Variants in L3MBTL2 observed in about 807,000 individuals in gnomAD.
The protein encoded by L3MBTL2 is lethal(3)malignant brain tumor-like protein 2.
L3MBTL2 carries 49 observed loss-of-function variants against 86.4 expected under a neutral mutation model. The ratio of observed to expected loss-of-function variants is 0.57; its 90% CI spans 0.45 to 0.72. L3MBTL2 has a LOEUF of 0.72. Ranked by LOEUF, L3MBTL2 falls within the 30% of genes least tolerant of loss-of-function variation. The probability of loss-of-function intolerance (pLI) is 0.00; values close to 1 mark genes in which losing one functional copy is unlikely to be tolerated. For missense variants in L3MBTL2, 755 were observed against 923.7 expected, an observed-to-expected ratio of 0.82 and a Z score of 2.37; for synonymous variants, 336 against 350.6, an observed-to-expected ratio of 0.96 and a Z score of 0.47.
At position 41,227,064 on chromosome 22, in the gene L3MBTL2, C is replaced by A; in HGVS notation, c.1588-25C>A. On this transcript the variant is annotated intron_variant, in intron 13 of 16. Transcript: ENST00000216237. The surrounding 1 kb of genome is among the most constrained non-coding windows in gnomAD (Gnocchi z 6.0). Reference sequence around the variant, plus strand: ...TGGGGTAGGGAGCTGACTGGCTTGGCCACTGCCTCCTTTTTCTGCCCCAGG... The same window carrying A: ...TGGGGTAGGGAGCTGACTGGCTTGGACACTGCCTCCTTTTTCTGCCCCAGG... The A allele has an allele frequency of 6.3e-7, 1 of 1,577,582 alleles. No individual in the cohort carries two copies. The highest frequency in any genetic ancestry group is 8.6e-7 in the Non-Finnish European group (1 of 1,160,820).
chr22:41,219,366 C>T, intron 5 of L3MBTL2, 53 bp from the exon 6 acceptor site: 1 of 1,365,552 alleles, frequency 7.3e-7, no homozygotes, highest in Non-Finnish European at 1.0e-6. Context: ...CAGTCTGTCT[C>T]CCCTGCTAGC....
At chr22:41,215,073 A>G (rs2031234698) in intron 3 of L3MBTL2, among the ~76,000 whole-genome samples, 1 of 152,172 alleles carries the variant, frequency 6.6e-6, no homozygotes, top group Non-Finnish European at 1.5e-5. Flanking sequence ...TAGCCTGGAC[A>G]GAGATTGGAA....
intron 3 of L3MBTL2, among the ~76,000 whole-genome samples, chr22:41,214,994 A>T (rs1230872764): frequency 8.3e-6 from 1 of 120,086 alleles, no homozygotes; most frequent in Non-Finnish European, 1.7e-5. Context: ...CTGGGGGGAA[A>T]ATATTATGTA....
Position 41,225,783 on chromosome 22 carries a change from C to G in L3MBTL2, c.1357-11C>G. ...GATATGATCTGTCTGCCTGCTCCCC[C>G]CACCCCCCAGGTTCTCCTGGATGGA... On this transcript the variant is annotated splice_polypyrimidine_tract_variant and intron_variant, in intron 11 of 16. Coordinates refer to ENST00000216237, the MANE Select transcript of L3MBTL2 (RefSeq NM_031488.5). This position sits in a 1 kb window ranked among gnomAD's most constrained non-coding sequence, Gnocchi z 4.1. 2 of 1,603,868 alleles carry G rather than the reference C, an allele frequency of 1.2e-6. No individual in the cohort carries two copies. The highest frequency in any genetic ancestry group is 2.2e-5 in the South Asian group (2 of 90,434).
chr22:41,229,730 C>T, intron 16 of L3MBTL2, 74 bp downstream of exon 16: 1 of 1,611,392 alleles, frequency 6.2e-7, no homozygotes, highest in Non-Finnish European at 8.5e-7. Flanking sequence ...TCCTTCCCCA[C>T]CTGGGCACAG....
At chr22:41,211,573 T>TTTTTTC (rs758875511) in intron 2 of L3MBTL2, among the ~76,000 whole-genome samples, 4 of 139,498 alleles carry the variant, frequency 2.9e-5, no homozygotes, top group Admixed American at 7.1e-5. Flanking sequence ...TTTTTTTTTT[T>TTTTTTC]TGAGACGGAG....
rs146290584 is a variant in L3MBTL2, at chr22:41,227,185, G to T, written c.1684G>T (p.Val562Leu). The change falls in exon 14 of 17, where the codon GTG becomes TTG. Residue 562 changes from valine to leucine, a missense_variant. Transcript: ENST00000216237. The surrounding 1 kb of genome is among the most constrained non-coding windows in gnomAD (Gnocchi z 6.0). ...LICVATVKRV[V>L]HRLLSIHFDG... ...CTGTGTGGCCACGGTGAAACGAGTGGTGCATCGGCTCCTCAGCATCCACTT... is the reference window on the plus strand; with the variant it reads ...CTGTGTGGCCACGGTGAAACGAGTGTTGCATCGGCTCCTCAGCATCCACTT... The T allele has an allele frequency of 3.1e-6, 5 of 1,613,626 alleles. No individual in the cohort carries two copies. Among genetic ancestry groups the T allele is most frequent in the Middle Eastern group, 1.6e-4 (1 of 6,084 alleles).
Position 41,225,692 on chromosome 22 carries a change from T to G in L3MBTL2, c.1357-102T>G. 4.7e-6 allele frequency: 6 copies of G among 1,275,020 alleles called. No individual in the cohort carries two copies. Among genetic ancestry groups the G allele is most frequent in the Non-Finnish European group, 6.5e-6 (6 of 918,770 alleles). 79.0% of individuals were successfully genotyped at this position (1,275,020 alleles called of 1,614,324 possible). On this transcript the variant is annotated intron_variant, in intron 11 of 16. Coordinates refer to ENST00000216237, the MANE Select transcript of L3MBTL2 (RefSeq NM_031488.5). This position sits in a 1 kb window ranked among gnomAD's most constrained non-coding sequence, Gnocchi z 4.1. ...CCAGGAGGGCCATGCCCTAGATCCG[T>G]TTGGATCCATTTGCCTCGTGTCCCT...
intron 6 of L3MBTL2, among the ~76,000 whole-genome samples, chr22:41,220,199 T>A (rs1210231664): frequency 4.6e-5 from 7 of 151,762 alleles, no homozygotes; most frequent in African/African-American, 1.7e-4. Flanking sequence ...AATGAAAAAA[T>A]TTAAAAAGTA....
At position 41,217,062 on chromosome 22, in the gene L3MBTL2, C is replaced by T. The variant is rs1670621226; in HGVS notation, c.521-61C>T. 8 of 1,422,918 alleles carry T rather than the reference C, an allele frequency of 5.6e-6. No individual in the cohort carries two copies. The Admixed American group carries it at 1.4e-4, about 24-fold the overall frequency. 88.1% of individuals were successfully genotyped at this position (1,422,918 alleles called of 1,614,324 possible). A position where few individuals can be genotyped will look rare whatever the true frequency, so the allele number is the denominator to read the frequency against. On this transcript the variant is annotated intron_variant, in intron 4 of 16. Coordinates refer to ENST00000216237, the MANE Select transcript of L3MBTL2 (RefSeq NM_031488.5). ...CAGGTCCCACAGGGCCCTTGGGGTC[C>T]AGGCTCCTGGAGTGGCTGCTGCGCA...
At chr22:41,228,851 CA>C (rs1555921640) in intron 15 of L3MBTL2, among the ~76,000 whole-genome samples, 1,194 of 97,316 alleles carry the variant, frequency 0.012, 15 homozygotes, top group African/African-American at 0.039. Context: ...CTCCATCGCA[CA>C]AAAAAAAAAA....
rs553153708 is a variant in L3MBTL2, at chr22:41,221,138, C to G, written c.854-61C>G. ...GGTCCCCACTCTGGGTCGGCGCTAG[C>G]GCCCCTGTCAGTGGAGGTTTGTCAG... is the stretch of plus-strand genomic sequence containing the variant. On this transcript the variant is annotated intron_variant, in intron 7 of 16. Coordinates refer to ENST00000216237, the MANE Select transcript of L3MBTL2 (RefSeq NM_031488.5). 2.2e-6 allele frequency: 3 copies of G among 1,391,918 alleles called. No homozygotes were observed. The East Asian group carries it at 7.7e-5, about 36-fold the overall frequency. 86.2% of individuals were successfully genotyped at this position (1,391,918 alleles called of 1,614,324 possible). A position where few individuals can be genotyped will look rare whatever the true frequency, so the allele number is the denominator to read the frequency against.
At chr22:41,208,181 G>T (rs987337778) in intron 1 of L3MBTL2, 4 of 286,972 alleles carry the variant, frequency 1.4e-5, no homozygotes, top group Non-Finnish European at 2.8e-5. Flanking sequence ...GCCCAGGCTG[G>T]ATTGCAGTGG....
intron 5 of L3MBTL2, 71 bp downstream of exon 5, chr22:41,217,273 C>T (rs1004391752): frequency 8.1e-7 from 1 of 1,235,390 alleles, no homozygotes; most frequent in Admixed American, 1.7e-5. Context: ...CCTGCTTCAC[C>T]AGGGCGGCTT....
At chr22:41,212,553 G>A (rs1385115295) in intron 2 of L3MBTL2, among the ~76,000 whole-genome samples, 2 of 151,488 alleles carry the variant, frequency 1.3e-5, no homozygotes, top group South Asian at 2.1e-4. Flanking sequence ...GCCCACCACC[G>A]CGCCCGGCCA....
chr22:41,227,731 G>T lies in L3MBTL2; in HGVS notation c.1823-73G>T. The T allele has an allele frequency of 1.9e-6, 3 of 1,608,986 alleles. No homozygotes were observed. Among genetic ancestry groups the T allele is most frequent in the South Asian group, 1.1e-5 (1 of 90,374 alleles). ...CGTGTGGGAGGGTGGATGGGGTCTC[G>T]GGATGCGCCTGTGCCCTGTGTCCTC... On this transcript the variant is annotated intron_variant, in intron 14 of 16. Coordinates refer to ENST00000216237, the MANE Select transcript of L3MBTL2 (RefSeq NM_031488.5). This position sits in a 1 kb window ranked among gnomAD's most constrained non-coding sequence, Gnocchi z 6.0.
At chr22:41,214,387 G>A (rs139454) in intron 3 of L3MBTL2, 67,835 of 164,754 alleles carry the variant, frequency 0.41, 14,764 homozygotes, top group African/African-American at 0.56. Context: ...GGTGGCTTCA[G>A]GAAGACCATG....
chr22:41,229,867 G>T, intron 16 of L3MBTL2: 1 of 827,578 alleles, frequency 1.2e-6, no homozygotes. Context: ...GCCCGGCCCC[G>T]GCCCCTCCTC....
intron 2 of L3MBTL2, among the ~76,000 whole-genome samples, chr22:41,211,557 C>CTTTTTTTTTTTTT (rs71200672): frequency 1.0e-5 from 1 of 97,392 alleles, no homozygotes; most frequent in African/African-American, 4.3e-5. Context: ...ATCTTATTTC[C>CTTTTTTTTTTTTT]TTTTTTTTTT....
Sources: gnomAD v4.1 joint callset for allele counts (sites outside exome capture counted in the v4.1 genomes callset) on GRCh38, gnomAD v4.1.1 for gene constraint, Gnocchi (gnomAD v3.1) non-coding constraint, MANE v1.5 for transcripts, NCBI Gene and HGNC (gene_info 2026-07-23, HGNC 2026-07-21) for gene names.